Variants in RPS16 observed in about 807,000 individuals in gnomAD.
RPS16 encodes the protein ribosomal protein S16, also known as small ribosomal subunit protein uS9.
A neutral mutation model predicts 20.1 loss-of-function variants in RPS16; 2 were observed. That is an observed-to-expected ratio of 0.10 (90% CI 0.04 to 0.31). RPS16 has a LOEUF of 0.31. RPS16 is among the 10% of genes least tolerant of loss of function. The pLI is 1.00. For synonymous variants in RPS16, 95 were observed against 76.1 expected (o/e 1.25, Z -1.29); for missense variants, 129 against 198.6 (o/e 0.65, Z 2.11).
At position 39,433,266 on chromosome 19, in the gene RPS16, G is replaced by A. The variant is rs764070481; in HGVS notation, c.*7C>T. On this transcript the variant is annotated 3_prime_UTR_variant, in exon 5 of 5. Coordinates refer to ENST00000251453, the MANE Select transcript of RPS16 (RefSeq NM_001020.6). ...ATTATACAAGTGAGTTTTGAGTCAC[G>A]ATGGGCTTATCGGTAGGATTTCTGG... 1.7e-5 allele frequency: 27 copies of A among 1,612,186 alleles called. No homozygotes were observed. The East Asian group carries it at 2.0e-4, about 12-fold the overall frequency.
intron 4 of RPS16, 39 bp downstream of exon 4, chr19:39,433,483 C>T: frequency 6.2e-7 from 1 of 1,613,020 alleles, no homozygotes; most frequent in Non-Finnish European, 8.5e-7. Flanking sequence ...GATCCCCACA[C>T]ACCCATCTAC....
chr19:39,434,867 A>G (rs576604200), intron 2 of RPS16: 19 of 152,270 alleles, frequency 1.2e-4, no homozygotes, highest in South Asian at 4.1e-4. Flanking sequence ...CCTGCAATGT[A>G]GATATTCTTT....
At position 39,435,914 on chromosome 19, in the gene RPS16, G is replaced by C. The variant is rs571096328; in HGVS notation, c.-19C>G. On this transcript the variant is annotated 5_prime_UTR_variant, in exon 1 of 5. Coordinates refer to ENST00000251453, the MANE Select transcript of RPS16 (RefSeq NM_001020.6). ...ACGGCATGGCTCCGAGCGTGGACTA[G>C]ACAACCTCACCGCGCGGCGCCGCAA... 1.8e-5 allele frequency: 29 copies of C among 1,603,362 alleles called. No homozygotes were observed. The highest frequency in any genetic ancestry group is 2.3e-5 in the Non-Finnish European group (27 of 1,179,922).
chr19:39,435,758 C>T (rs1158932362), intron 1 of RPS16, 50 bp from the exon 2 acceptor site: 1 of 1,606,788 alleles, frequency 6.2e-7, no homozygotes, highest in South Asian at 1.1e-5. Flanking sequence ...GCTCCAGCTC[C>T]CATGTTACCC....
intron 2 of RPS16, 60 bp from the exon 3 acceptor site, chr19:39,433,821 A>G: frequency 1.3e-6 from 2 of 1,530,038 alleles, no homozygotes; most frequent in Non-Finnish European, 1.8e-6. Flanking sequence ...TAGCCATCTC[A>G]CTGGGCTTCT....
intron 2 of RPS16, 185 bp from the exon 3 acceptor site, chr19:39,433,946 T>G (rs766215424): frequency 1.2e-5 from 7 of 592,656 alleles, no homozygotes; most frequent in Non-Finnish European, 2.1e-5. Context: ...AAGCCAGATA[T>G]GAGACTGCTG....
At position 39,433,489 on chromosome 19, in the gene RPS16, T is replaced by C. The variant is rs566130; in HGVS notation, c.295+33A>G. 0.54 allele frequency: 874,899 copies of C among 1,612,538 alleles called. 241,491 individuals carry two copies. Among genetic ancestry groups the C allele is most frequent in the African/African-American group, 0.81 (60,871 of 74,934 alleles). On this transcript the variant is annotated intron_variant, in intron 4 of 4. Transcript: ENST00000251453. ...CCTTGACTTGATCCCCACACACCCATCTACCTCATGGGAAGGACCCATGCT... is the reference window on the plus strand; with the variant it reads ...CCTTGACTTGATCCCCACACACCCACCTACCTCATGGGAAGGACCCATGCT...
Position 39,435,933 on chromosome 19 carries a change from G to T in RPS16, c.-38C>A. On this transcript the variant is annotated 5_prime_UTR_variant, in exon 1 of 5. Transcript: ENST00000251453. ...GGACTAGACAACCTCACCGCGCGGC[G>T]CCGCAACCGGAAAAGGAAAGCTAGG... is the stretch of plus-strand genomic sequence containing the variant. 1 of 1,601,856 alleles carries T rather than the reference G, an allele frequency of 6.2e-7. No individual in the cohort carries two copies. The highest frequency in any genetic ancestry group is 8.5e-7 in the Non-Finnish European group (1 of 1,179,828).
chr19:39,433,179 CA>C lies in RPS16; in HGVS notation c.*93del, dbSNP rs2078839233. The stretch of plus-strand genomic sequence containing the variant: ...ACTGATTTCTGTCTGGTTAAACATC[CA>C]ATACCAACACATAAGGCCACACACA... On this transcript the variant is annotated 3_prime_UTR_variant, in exon 5 of 5. Coordinates refer to ENST00000251453, the MANE Select transcript of RPS16 (RefSeq NM_001020.6). The C allele has an allele frequency of 5.3e-6, 7 of 1,323,460 alleles. No homozygotes were observed. The South Asian group carries it at 9.1e-5, about 17-fold the overall frequency. The allele number at this position is 1,323,460 out of a possible 1,614,324, so 82.0% of individuals were successfully genotyped here.
At position 39,435,638 on chromosome 19, in the gene RPS16, T is replaced by C. The variant is rs982298626; in HGVS notation, c.119A>G (p.Glu40Gly). The stretch of plus-strand genomic sequence containing the variant: ...CTGTAGCGTGCGCGGCTCAATCATC[T>C]CCAGGGGCCGCCCGTTCACCTTGAT... Reference protein sequence around the residue: ...GLIKVNGRPLEMIEPRTLQYK... With the variant: ...GLIKVNGRPLGMIEPRTLQYK... Residue 40 changes from glutamate to glycine, a missense_variant, in exon 2 of 5, where the codon GAG becomes GGG. Glu to Gly is a moderately conservative substitution (Grantham distance 98). Around this residue, in one of 2 missense-constraint regions of RPS16, gnomAD observed 117 missense variants for 151.4 expected, o/e 0.77. Coordinates refer to ENST00000251453, the MANE Select transcript of RPS16 (RefSeq NM_001020.6). 4 of 1,613,828 alleles carry C rather than the reference T, an allele frequency of 2.5e-6. No individual in the cohort carries two copies. The highest frequency in any genetic ancestry group is 1.7e-6 in the Non-Finnish European group (2 of 1,180,032).
At chr19:39,435,732 G>A (rs1157409542) in intron 1 of RPS16, 24 bp from the exon 2 acceptor site, 3 of 1,611,340 alleles carry the variant, frequency 1.9e-6, no homozygotes, top group Non-Finnish European at 2.5e-6. Context: ...GAGAAACAGG[G>A]GCCCCGTGAG....
chr19:39,434,400 T>G (rs1206803722), intron 2 of RPS16: 1 of 155,910 alleles, frequency 6.4e-6, no homozygotes, highest in East Asian at 1.9e-4. Context: ...GGCAGGTCCA[T>G]GAAGGCAAGA....
chr19:39,435,848 C>T lies in RPS16; in HGVS notation c.48G>A (p.Lys16=), dbSNP rs769168090. 6.2e-7 allele frequency: 1 copy of T among 1,610,558 alleles called. No homozygotes were observed. Among genetic ancestry groups the T allele is most frequent in the Admixed American group, 1.7e-5 (1 of 60,024 alleles). ...CCTTCCCATCCGGCGTCTGGCTCAC[C>T]TTGCGTCCGAAGACCTGCACAGACT... is the stretch of plus-strand genomic sequence containing the variant. ...PLQSVQVFGR[K]KTATAVAHCK... The change falls in exon 1 of 5, where the codon AAG becomes AAA. Residue 16 remains lysine, a splice_region_variant and synonymous_variant. Coordinates refer to ENST00000251453, the MANE Select transcript of RPS16 (RefSeq NM_001020.6).
At chr19:39,433,893 ACT>A in intron 2 of RPS16, 132 bp from the exon 3 acceptor site, 1 of 780,526 alleles carries the variant, frequency 1.3e-6, no homozygotes, top group Non-Finnish European at 2.1e-6. Context: ...TCAGGGTGTC[ACT>A]CCAAGGCCCT....
intron 1 of RPS16, 51 bp from the exon 2 acceptor site, chr19:39,435,759 C>A: frequency 6.2e-7 from 1 of 1,606,970 alleles, no homozygotes; most frequent in Non-Finnish European, 8.5e-7. Flanking sequence ...CTCCAGCTCC[C>A]ATGTTACCCC....
intron 2 of RPS16, 199 bp from the exon 3 acceptor site, chr19:39,433,960 T>C (rs1363435355): frequency 3.5e-6 from 2 of 577,320 alleles, no homozygotes; most frequent in African/African-American, 3.7e-5. Context: ...ACTGCTGAAG[T>C]GGTGTTAAGA....
intron 4 of RPS16, 28 bp downstream of exon 4, chr19:39,433,492 ACC>A (rs2078841788): frequency 6.2e-7 from 1 of 1,613,044 alleles, no homozygotes; most frequent in Non-Finnish European, 8.5e-7. Context: ...ACACCCATCT[ACC>A]TCATGGGAAG....
At chr19:39,435,535 C>T in intron 2 of RPS16, 72 bp downstream of exon 2, 4 of 1,310,102 alleles carry the variant, frequency 3.1e-6, no homozygotes, top group Non-Finnish European at 4.3e-6. Context: ...GCCCCCCCAG[C>T]TTTCAAGAGC....
At chr19:39,435,344 T>G (rs1454925125) in intron 2 of RPS16, 9 of 484,836 alleles carry the variant, frequency 1.9e-5, no homozygotes, top group Non-Finnish European at 3.3e-5. Context: ...CCTTCACCCT[T>G]TGGGTCCCCC....
Sources: allele counts gnomAD v4.1 joint callset, GRCh38; gene constraint gnomAD v4.1.1; regional missense constraint gnomAD v4.1.1; transcripts MANE v1.5; gene names NCBI Gene and HGNC (gene_info 2026-07-23, HGNC 2026-07-21).